The following CHAMP1 variants were observed in gnomAD, a reference collection of about 807,000 sequenced individuals.
The protein encoded by CHAMP1 is chromosome alignment maintaining phosphoprotein 1, also known as chromosome alignment-maintaining phosphoprotein 1.
CHAMP1 carries 4 observed loss-of-function variants against 54.5 expected under a neutral mutation model. That is an observed-to-expected ratio of 0.07 (90% CI 0.04 to 0.17). The LOEUF is 0.17. Among genes scored for constraint, CHAMP1 ranks in the 10% least tolerant of loss-of-function variants. CHAMP1 has a pLI of 1.00. For synonymous variants in CHAMP1, 368 were observed against 342.2 expected (o/e 1.08, Z -0.83); for missense variants, 994 against 968.6 (o/e 1.03, Z -0.35).
chr13:114,324,437 C>T lies in CHAMP1; in HGVS notation c.595C>T (p.Leu199Phe). 1.2e-6 allele frequency: 2 copies of T among 1,614,192 alleles called. No individual in the cohort carries two copies. Among genetic ancestry groups the T allele is most frequent in the Non-Finnish European group, 1.7e-6 (2 of 1,180,034 alleles). Residue 199 changes from leucine (L) to phenylalanine (F), a missense_variant, in exon 3 of 3, where the codon CTT becomes TTT. Coordinates refer to ENST00000361283, the MANE Select transcript of CHAMP1 (RefSeq NM_032436.4). ...KSVPVCESQK[L>F]APVPSPEPQK... ...AGTCCCTGTTTGTGAGTCTCAGAAA[C>T]TTGCCCCTGTTCCTTCTCCAGAACC...
Position 114,326,898 on chromosome 13 carries a change from C to A in CHAMP1, c.*617C>A, listed in dbSNP as rs1034821486. 2.4e-5 allele frequency: 4 copies of A among 166,838 alleles called. No individual in the cohort carries two copies. Among genetic ancestry groups the A allele is most frequent in the Non-Finnish European group, 5.9e-5 (4 of 68,106 alleles). The allele number at this position is 166,838 out of a possible 1,614,324, so 10.3% of individuals were successfully genotyped here. A position where few individuals can be genotyped will look rare whatever the true frequency, so the allele number is the denominator to read the frequency against. On this transcript the variant is annotated 3_prime_UTR_variant, in exon 3 of 3. Coordinates refer to ENST00000361283, the MANE Select transcript of CHAMP1 (RefSeq NM_032436.4). ...GTTTGCAGCCTTCTCCCACAGGAGA[C>A]AAGTGAAAGATAAGTGTGATTTTAG...
At position 114,325,701 on chromosome 13, in the gene CHAMP1, A is replaced by G; in HGVS notation, c.1859A>G (p.Lys620Arg). 6.2e-7 allele frequency: 1 copy of G among 1,613,830 alleles called. No individual in the cohort carries two copies. Among genetic ancestry groups the G allele is most frequent in the Non-Finnish European group, 8.5e-7 (1 of 1,179,946 alleles). The change falls in exon 3 of 3, where the codon AAG (lysine) becomes AGG (arginine). Residue 620 changes from lysine to arginine, a missense_variant. This residue lies in a region of CHAMP1 where 851 missense variants were observed against 701.3 expected (regional missense o/e 1.21). Coordinates refer to ENST00000361283, the MANE Select transcript of CHAMP1 (RefSeq NM_032436.4). ...DTLFPSSKKL[K>R]KDNQESSDAE... is the part of the protein sequence containing the mutation. Reference sequence around the variant, plus strand: ...TTATTTCCTTCCTCAAAGAAGCTCAAGAAAGACAACCAAGAGAGCTCAGAC... The same window carrying G: ...TTATTTCCTTCCTCAAAGAAGCTCAGGAAAGACAACCAAGAGAGCTCAGAC...
chr13:114,325,340 GGTCCT>G lies in CHAMP1; in HGVS notation c.1499_1503del (p.Gly500ValfsTer5). The G allele has an allele frequency of 6.2e-7, 1 of 1,614,014 alleles. No homozygotes were observed. Reference sequence around the variant, plus strand: ...TGTCTTCCCTGAGACCCGAAAACCAGGTCCTTCTGGGCCATCTGAGTCCCCCAAAG... The same window carrying G: ...TGTCTTCCCTGAGACCCGAAAACCAGTCTGGGCCATCTGAGTCCCCCAAAG... On this transcript the variant is annotated frameshift_variant, in exon 3 of 3. Coordinates refer to ENST00000361283, the MANE Select transcript of CHAMP1 (RefSeq NM_032436.4). LOFTEE classifies it high-confidence loss of function.
chr13:114,325,217 T>A lies in CHAMP1; in HGVS notation c.1375T>A (p.Ser459Thr), dbSNP rs1566792214. 3 of 1,614,080 alleles carry A rather than the reference T, an allele frequency of 1.9e-6. No homozygotes were observed. Among genetic ancestry groups the A allele is most frequent in the Admixed American group, 1.7e-5 (1 of 60,006 alleles). ...GCTTTCTCCTGATCAGCGGAAAACT[T>A]CTCCTGCTTCACTTGATTTCCCTGA... is the stretch of plus-strand genomic sequence containing the variant. ...WKLSPDQRKTSPASLDFPESQ... is the reference protein window; with the variant it reads ...WKLSPDQRKTTPASLDFPESQ... The change falls in exon 3 of 3, where the codon TCT becomes ACT. Residue 459 changes from serine (S) to threonine (T), a missense_variant. Transcript: ENST00000361283.
chr13:114,318,881 TTTTTTAA>T (rs1410836756), intron 1 of CHAMP1, among the ~76,000 whole-genome samples: 2 of 133,816 alleles, frequency 1.5e-5, no homozygotes, highest in African/African-American at 3.2e-5. Context: ...TTTTTTTTTT[TTTTTTAA>T]TGTTCCCTAG....
intron 2 of CHAMP1, chr13:114,322,964 C>A (rs1358931051): frequency 6.6e-6 from 1 of 152,066 alleles, no homozygotes. Context: ...TTTTTAAATT[C>A]ATGTTTTCCG....
intron 1 of CHAMP1, among the ~76,000 whole-genome samples, chr13:114,320,038 A>G (rs1555378942): frequency 6.6e-6 from 1 of 152,194 alleles, no homozygotes; most frequent in African/African-American, 2.4e-5. Context: ...TTTGGAAGAC[A>G]GGTTTGGTAG....
Position 114,325,356 on chromosome 13 carries a change from C to G in CHAMP1, c.1514C>G (p.Ser505Cys), listed in dbSNP as rs1219829764. ...ETRKPGPSGP[S>C]ESPKAASDIW... ...CGAAAACCAGGTCCTTCTGGGCCAT[C>G]TGAGTCCCCCAAAGCAGCCTCAGAT... The change falls in exon 3 of 3, where the codon TCT becomes TGT. Residue 505 changes from serine (S) to cysteine (C), a missense_variant. Ser to Cys is a moderately radical substitution (Grantham distance 112). Around this residue, in one of 3 missense-constraint regions of CHAMP1, gnomAD observed 851 missense variants for 701.3 expected, o/e 1.21. Transcript: ENST00000361283. 1 of 1,614,044 alleles carries G rather than the reference C, an allele frequency of 6.2e-7. No individual in the cohort carries two copies. Among genetic ancestry groups the G allele is most frequent in the Non-Finnish European group, 8.5e-7 (1 of 1,180,028 alleles).
chr13:114,320,783 C>A (rs181895328), intron 1 of CHAMP1, among the ~76,000 whole-genome samples: 1 of 151,952 alleles, frequency 6.6e-6, no homozygotes, highest in Non-Finnish European at 1.5e-5. Flanking sequence ...GGTGAAACCC[C>A]GTCTCTACTA....
intron 1 of CHAMP1, among the ~76,000 whole-genome samples, chr13:114,320,760 T>TC (rs1391530199): frequency 2.6e-5 from 4 of 151,860 alleles, no homozygotes; most frequent in Non-Finnish European, 4.4e-5. Flanking sequence ...ATCGAGACCA[T>TC]CCTGGCTAAC....
chr13:114,321,506 A>G (rs993529385), intron 2 of CHAMP1, among the ~76,000 whole-genome samples: 3 of 152,204 alleles, frequency 2.0e-5, no homozygotes, highest in Non-Finnish European at 4.4e-5. Context: ...TAGGTGAGTC[A>G]GACTCAAACC....
chr13:114,320,003 A>G (rs2087148168), intron 1 of CHAMP1, among the ~76,000 whole-genome samples: 1 of 152,172 alleles, frequency 6.6e-6, no homozygotes, highest in Non-Finnish European at 1.5e-5. Context: ...GGACATGTGA[A>G]CAGGCAGATC....
At chr13:114,316,687 A>G (rs909546102) in intron 1 of CHAMP1, among the ~76,000 whole-genome samples, 1 of 152,130 alleles carries the variant, frequency 6.6e-6, no homozygotes, top group East Asian at 1.9e-4. Flanking sequence ...TCTCACACTA[A>G]TGCAAGATGT....
chr13:114,315,400 C>T (rs1303515231), intron 1 of CHAMP1, among the ~76,000 whole-genome samples: 1 of 152,144 alleles, frequency 6.6e-6, no homozygotes, highest in Non-Finnish European at 1.5e-5. Flanking sequence ...AAATTGACAG[C>T]AGAGACTCAG....
At chr13:114,317,401 A>G (rs1454011616) in intron 1 of CHAMP1, among the ~76,000 whole-genome samples, 1 of 151,920 alleles carries the variant, frequency 6.6e-6, no homozygotes, top group African/African-American at 2.4e-5. Context: ...CAAGGCAACA[A>G]GATCTCTGGA....
In CHAMP1 at chr13:114,324,399, A is replaced by G; in HGVS notation, c.557A>G (p.Glu186Gly). 6.2e-7 allele frequency: 1 copy of G among 1,614,068 alleles called. No individual in the cohort carries two copies. Among genetic ancestry groups the G allele is most frequent in the Non-Finnish European group, 8.5e-7 (1 of 1,180,016 alleles). The change falls in exon 3 of 3, where the codon GAA (glutamate) becomes GGA (glycine). Residue 186 changes from glutamate (E) to glycine (G), a missense_variant. Coordinates refer to ENST00000361283, the MANE Select transcript of CHAMP1 (RefSeq NM_032436.4). ...PSKPASVSSP[E>G]PPKSVPVCES... Reference sequence around the variant, plus strand: ...AAACCTGCCTCTGTTTCTTCTCCTGAACCTCCAAAATCAGTCCCTGTTTGT... The same window carrying G: ...AAACCTGCCTCTGTTTCTTCTCCTGGACCTCCAAAATCAGTCCCTGTTTGT...
chr13:114,314,840 A>C (rs989071448), intron 1 of CHAMP1, among the ~76,000 whole-genome samples, 197 bp downstream of exon 1: 2 of 152,140 alleles, frequency 1.3e-5, no homozygotes, highest in African/African-American at 4.8e-5. Context: ...GTCTTTGTGC[A>C]GGGAGCGGGG....
At position 114,324,139 on chromosome 13, in the gene CHAMP1, G is replaced by T; in HGVS notation, c.297G>T (p.Leu99Phe). ...DKWNDKPKNQ[L>F]NKETDPVKSP... ...GGAATGATAAACCAAAAAATCAGTT[G>T]AACAAAGAAACAGATCCTGTGAAAA... Residue 99 changes from leucine to phenylalanine, a missense_variant, in exon 3 of 3, where the codon TTG becomes TTT. This residue lies in a region of CHAMP1 where 851 missense variants were observed against 701.3 expected (regional missense o/e 1.21). Coordinates refer to ENST00000361283, the MANE Select transcript of CHAMP1 (RefSeq NM_032436.4). The T allele has an allele frequency of 6.2e-7, 1 of 1,614,076 alleles. No homozygotes were observed. Among genetic ancestry groups the T allele is most frequent in the Non-Finnish European group, 8.5e-7 (1 of 1,180,008 alleles).
chr13:114,325,496 C>G lies in CHAMP1; in HGVS notation c.1654C>G (p.Pro552Ala), dbSNP rs1555379835. Reference protein sequence around the residue: ...SPEARKRALFPEPRKHALFPE... With the variant: ...SPEARKRALFAEPRKHALFPE... Reference sequence around the variant, plus strand: ...AGAAGCACGCAAACGTGCCCTTTTTCCAGAGCCCCGGAAGCATGCCCTTTT... The same window carrying G: ...AGAAGCACGCAAACGTGCCCTTTTTGCAGAGCCCCGGAAGCATGCCCTTTT... Residue 552 changes from proline (P) to alanine (A), a missense_variant, in exon 3 of 3, where the codon CCA becomes GCA. Transcript: ENST00000361283. 1 of 1,614,142 alleles carries G rather than the reference C, an allele frequency of 6.2e-7. No homozygotes were observed.
Sources: gnomAD v4.1 joint callset for allele counts (sites outside exome capture counted in the v4.1 genomes callset) on GRCh38, gnomAD v4.1.1 for gene constraint, gnomAD v4.1.1 regional missense constraint, MANE v1.5 for transcripts, NCBI Gene and HGNC (gene_info 2026-07-23, HGNC 2026-07-21) for gene names.